The following LEPR variants were observed in gnomAD, a reference collection of about 807,000 sequenced individuals.
LEPR encodes the protein leptin receptor, also known as OB receptor.
In LEPR, 56 loss-of-function variants were observed where a neutral mutation model predicts 114.7. The observed-to-expected ratio is 0.49, with a 90% confidence interval of 0.39 to 0.61. The LOEUF (loss-of-function observed/expected upper bound fraction) is 0.61, where lower values mean the gene tolerates loss of function less well. Among genes scored for constraint, LEPR ranks in the 20% least tolerant of loss-of-function variants. LEPR has a pLI of 0.00. For missense variants in LEPR, 1,202 were observed against 1,352.9 expected, an observed-to-expected ratio of 0.89 and a Z score of 1.75; for synonymous variants, 443 against 461.4, an observed-to-expected ratio of 0.96 and a Z score of 0.51.
rs774686159 is a variant in LEPR at position 65,608,730 on chromosome 1, A to T, written c.1604-23A>T. On this transcript the variant is annotated intron_variant, in intron 11 of 19. Transcript: ENST00000349533. ...ATTACTATTTAAATTACCATCACTT[A>T]ATACTATTGTAAAAATTTCTAGTGA... is the stretch of plus-strand genomic sequence containing the variant. 23 of 1,608,602 alleles carry T rather than the reference A, an allele frequency of 1.4e-5. No homozygotes were observed. In the Admixed American group the frequency reaches 3.0e-4, roughly 21 times the overall value.
intron 2 of LEPR, among the ~76,000 whole-genome samples, chr1:65,445,345 G>GT (rs956400795): frequency 1.3e-5 from 2 of 152,148 alleles, no homozygotes; most frequent in African/African-American, 4.8e-5. Flanking sequence ...TTGTTAGTTT[G>GT]TTTTTTGGTA....
At chr1:65,434,610 C>T (rs1646533459) in intron 2 of LEPR, 1 of 985,310 alleles carries the variant, frequency 1.0e-6, no homozygotes, top group Non-Finnish European at 1.2e-6. Context: ...GTCTCTGAGA[C>T]AGGGTAGTGT....
At chr1:65,466,939 T>A (rs1163348185) in intron 2 of LEPR, among the ~76,000 whole-genome samples, 1 of 152,212 alleles carries the variant, frequency 6.6e-6, no homozygotes, top group Non-Finnish European at 1.5e-5. Flanking sequence ...TCTCACCTTT[T>A]TTCAAGGTTT....
chr1:65,485,652 T>A (rs1185409714), intron 2 of LEPR, among the ~76,000 whole-genome samples: 1 of 152,194 alleles, frequency 6.6e-6, no homozygotes, highest in Non-Finnish European at 1.5e-5. Context: ...CCCATTTTCC[T>A]GTCTGCTACA....
intron 19 of LEPR, among the ~76,000 whole-genome samples, chr1:65,630,977 A>G (rs1170404337): frequency 6.6e-6 from 1 of 151,522 alleles, no homozygotes; most frequent in Non-Finnish European, 1.5e-5. Context: ...CCTCTCTTTT[A>G]TTATCTCAGA....
chr1:65,442,968 A>G (rs1050892112), intron 2 of LEPR, among the ~76,000 whole-genome samples: 10 of 152,288 alleles, frequency 6.6e-5, no homozygotes, highest in Admixed American at 4.6e-4. Context: ...TATCTTGAGG[A>G]CCTCATATTA....
intron 1 of LEPR, among the ~76,000 whole-genome samples, chr1:65,423,207 A>G (rs533802821): frequency 1.3e-5 from 2 of 152,182 alleles, no homozygotes; most frequent in African/African-American, 4.8e-5. Context: ...TTTAGGACCT[A>G]CTCTGGGCTG....
chr1:65,593,266 A>G (rs1655831457), intron 6 of LEPR, among the ~76,000 whole-genome samples: 1 of 152,108 alleles, frequency 6.6e-6, no homozygotes, highest in African/African-American at 2.4e-5. Context: ...AAAGAGTGGG[A>G]CATTAGACAT....
In LEPR at chr1:65,638,473, C is replaced by G. The variant is rs1658786024; in HGVS notation, c.*1458C>G. On this transcript the variant is annotated 3_prime_UTR_variant, in exon 20 of 20. Coordinates refer to ENST00000349533, the MANE Select transcript of LEPR (RefSeq NM_002303.6). ...AATATCAGTATCATCAAAATAAGTA[C>G]TTTAGTGTTCAAAAATATGCCTATG... The G allele has an allele frequency of 6.6e-6, 1 of 152,112 alleles. No individual in the cohort carries two copies. Among genetic ancestry groups the G allele is most frequent in the Non-Finnish European group, 1.5e-5 (1 of 68,024 alleles). The allele number at this position is 152,112 out of a possible 1,614,324, so 9.4% of individuals were successfully genotyped here. A position where few individuals can be genotyped will look rare whatever the true frequency, so the allele number is the denominator to read the frequency against.
intron 2 of LEPR, among the ~76,000 whole-genome samples, chr1:65,510,718 G>A (rs563788727): frequency 1.1e-4 from 16 of 152,164 alleles, no homozygotes; most frequent in Non-Finnish European, 1.8e-4. Flanking sequence ...GCTATCCCAC[G>A]TTAGCGGGAA....
intron 5 of LEPR, among the ~76,000 whole-genome samples, chr1:65,585,311 C>T (rs572692206): frequency 8.3e-4 from 126 of 151,990 alleles, no homozygotes; most frequent in Non-Finnish European, 1.5e-3. Context: ...ACATTACAAT[C>T]AGAAAATTAG....
intron 2 of LEPR, among the ~76,000 whole-genome samples, chr1:65,529,595 C>T (rs1252132726): frequency 1.3e-5 from 2 of 151,884 alleles, no homozygotes; most frequent in South Asian, 2.1e-4. Context: ...TATTCCCTGT[C>T]TCCAATTATT....
At chr1:65,601,272 A>G (rs1310126643) in intron 8 of LEPR, 120 bp from the exon 9 acceptor site, 1 of 1,211,968 alleles carries the variant, frequency 8.3e-7, no homozygotes, top group African/African-American at 1.5e-5. Flanking sequence ...TTTTTAAATT[A>G]CACTCATTTT....
intron 1 of LEPR, chr1:65,421,549 C>G: frequency 1.4e-6 from 2 of 1,424,994 alleles, no homozygotes. Context: ...AATTTGCACC[C>G]AAAGATATCC....
intron 2 of LEPR, among the ~76,000 whole-genome samples, chr1:65,481,353 GA>G (rs1449965484): frequency 6.6e-6 from 1 of 152,068 alleles, no homozygotes; most frequent in Non-Finnish European, 1.5e-5. Context: ...GGGTTTCGGG[GA>G]AAAAAAACCC....
chr1:65,443,651 C>T (rs1179698646), intron 2 of LEPR, among the ~76,000 whole-genome samples: 1 of 152,134 alleles, frequency 6.6e-6, no homozygotes, highest in Non-Finnish European at 1.5e-5. Context: ...GACAGAGCCA[C>T]ATCTCGGTCT....
chr1:65,435,756 A>G, intron 2 of LEPR: 1 of 983,850 alleles, frequency 1.0e-6, no homozygotes, highest in Non-Finnish European at 1.2e-6. Context: ...TTCCAAGCAT[A>G]GTAATTAGTT....
intron 5 of LEPR, among the ~76,000 whole-genome samples, chr1:65,582,067 G>A (rs989707618): frequency 3.9e-5 from 6 of 152,138 alleles, no homozygotes; most frequent in Non-Finnish European, 7.3e-5. Flanking sequence ...CTGTCTGTCC[G>A]CTGGTTCCAA....
At chr1:65,546,676 C>T (rs1251780889) in intron 2 of LEPR, among the ~76,000 whole-genome samples, 142 of 152,084 alleles carry the variant, frequency 9.3e-4, no homozygotes, top group East Asian at 1.7e-3. Flanking sequence ...GAGACTTTGC[C>T]GAAGTTGCTT....
Sources: allele counts gnomAD v4.1 joint callset (sites outside exome capture counted in the v4.1 genomes callset), GRCh38; gene constraint gnomAD v4.1.1; transcripts MANE v1.5; gene names NCBI Gene and HGNC (gene_info 2026-07-23, HGNC 2026-07-21).